MEIG1: variants seen among roughly 807,000 people sequenced by gnomAD.
MEIG1 encodes the protein meiosis/spermiogenesis associated 1, also known as meiosis expressed gene 1 protein homolog.
Under a neutral mutation model 11.3 loss-of-function variants are expected in MEIG1, and 12 were observed. The ratio of observed to expected loss-of-function variants is 1.07; its 90% confidence interval spans 0.68 to 1.73. The LOEUF (loss-of-function observed/expected upper bound fraction) is 1.73, where lower values mean the gene tolerates loss of function less well. Ranked by LOEUF, MEIG1 falls within the 40% of genes most tolerant of loss-of-function variation. The probability of loss-of-function intolerance (pLI) is 0.00; values close to 1 mark genes in which losing one functional copy is unlikely to be tolerated. For synonymous variants in MEIG1, 41 were observed against 33.2 expected (o/e 1.24, Z -0.81); for missense variants, 119 against 104.9 (o/e 1.13, Z -0.59).
chr10:14,960,860 C>T (rs1435699002), intron 1 of MEIG1, among the ~76,000 whole-genome samples: 5 of 151,964 alleles, frequency 3.3e-5, no homozygotes, highest in Non-Finnish European at 1.5e-5. Flanking sequence ...AACCTCGTCT[C>T]TACTAAAAAT....
At chr10:14,978,147 T>C (rs1843230275) in intron 1 of MEIG1, among the ~76,000 whole-genome samples, 2 of 151,826 alleles carry the variant, frequency 1.3e-5, no homozygotes, top group South Asian at 4.2e-4. Flanking sequence ...TTACTCCTAA[T>C]ATCACACCCT....
intron 2 of MEIG1, among the ~76,000 whole-genome samples, chr10:14,969,337 T>G (rs1228602172): frequency 6.6e-6 from 1 of 151,406 alleles, no homozygotes; most frequent in Admixed American, 6.6e-5. Flanking sequence ...TAGTCCCAGC[T>G]ACTGGGAGGC....
intron 2 of MEIG1, among the ~76,000 whole-genome samples, chr10:14,968,210 G>T (rs1843109773): frequency 6.6e-6 from 1 of 152,188 alleles, no homozygotes; most frequent in African/African-American, 2.4e-5. Context: ...ATAGGAGGCT[G>T]GGAGTGGTGG....
Position 14,987,803 on chromosome 10 carries a change from T to C in MEIG1, n.301T>C, listed in dbSNP as rs1035584943. ...TCTCTTTCAGAAAAAGATCTCAGTCTAATTGAAAGAAATTAAGAAGCCGTG... is the reference window on the plus strand; with the variant it reads ...TCTCTTTCAGAAAAAGATCTCAGTCCAATTGAAAGAAATTAAGAAGCCGTG... On this transcript the variant is annotated non_coding_transcript_exon_variant, in exon 3 of 3. Coordinates refer to the MEIG1 transcript ENST00000467536. The C allele has an allele frequency of 9.5e-5, 17 of 179,568 alleles. No homozygotes were observed. In the East Asian group the frequency reaches 2.8e-3, roughly 30 times the overall value. 11.1% of individuals were successfully genotyped at this position (179,568 alleles called of 1,614,324 possible).
chr10:14,955,489 A>G (rs528485452), upstream of MEIG1, among the ~76,000 whole-genome samples: 3 of 152,046 alleles, frequency 2.0e-5, no homozygotes, highest in African/African-American at 7.2e-5. Context: ...TGATCACCTG[A>G]GGTCAGGAGT....
At chr10:14,973,932 G>C (rs1258454167), downstream of MEIG1, among the ~76,000 whole-genome samples, 2 of 152,180 alleles carry the variant, frequency 1.3e-5, no homozygotes, top group Non-Finnish European at 2.9e-5. Flanking sequence ...CCAGCGCTTT[G>C]ACGGACTAAG....
At chr10:14,987,425 G>C (rs1843330677) in intron 2 of MEIG1, 1 of 724,466 alleles carries the variant, frequency 1.4e-6, no homozygotes, top group South Asian at 1.5e-5. Context: ...TCAGACACCT[G>C]TGAGATTCCG....
In MEIG1 at chr10:14,972,511, A is replaced by T. The variant is rs895124752; in HGVS notation, c.139-2A>T. ...GTTTGTACTCTGGTTCTTGATGTGC[A>T]GGTAGATCGTTGGCCGGAGACAGGA... On this transcript the variant is annotated splice_acceptor_variant, in intron 2 of 2. Coordinates refer to ENST00000407572, the MANE Select transcript of MEIG1 (RefSeq NM_001080836.3). LOFTEE classifies it high-confidence loss of function. 9 of 1,614,040 alleles carry T rather than the reference A, an allele frequency of 5.6e-6. No homozygotes were observed. The highest frequency in any genetic ancestry group is 7.6e-6 in the Non-Finnish European group (9 of 1,179,924).
chr10:14,974,465 C>G (rs917654896), downstream of MEIG1, among the ~76,000 whole-genome samples: 2 of 152,022 alleles, frequency 1.3e-5, no homozygotes, highest in African/African-American at 4.8e-5. Context: ...CCCAAAAACA[C>G]GCCTCTCCAC....
At chr10:14,966,354 A>T in intron 1 of MEIG1, 86 bp from the exon 2 acceptor site, 1 of 916,030 alleles carries the variant, frequency 1.1e-6, no homozygotes, top group Non-Finnish European at 1.6e-6. Flanking sequence ...GAGCCACCGC[A>T]CCCGGCCAGT....
downstream of MEIG1, among the ~76,000 whole-genome samples, chr10:14,975,015 C>T (rs1211040474): frequency 6.6e-6 from 1 of 151,928 alleles, no homozygotes; most frequent in Non-Finnish European, 1.5e-5. Flanking sequence ...ATATTACGTT[C>T]AATATCGCAG....
chr10:14,969,518 G>A (rs574348053), intron 2 of MEIG1, among the ~76,000 whole-genome samples: 1 of 152,048 alleles, frequency 6.6e-6, no homozygotes, highest in African/African-American at 2.4e-5. Flanking sequence ...TCACATGTTT[G>A]AAGTGCCTGA....
chr10:14,969,666 C>G (rs1843127678), intron 2 of MEIG1, among the ~76,000 whole-genome samples: 1 of 151,940 alleles, frequency 6.6e-6, no homozygotes, highest in Non-Finnish European at 1.5e-5. Flanking sequence ...GAAACCCTGT[C>G]TCTACTAAAA....
chr10:14,982,769 A>G (rs576005177), intron 1 of MEIG1, among the ~76,000 whole-genome samples: 10 of 152,262 alleles, frequency 6.6e-5, no homozygotes, highest in African/African-American at 2.2e-4. Context: ...ATCAATATTA[A>G]CAACTGATCA....
intron 1 of MEIG1, among the ~76,000 whole-genome samples, chr10:14,979,240 A>G (rs1204204292): frequency 6.6e-6 from 1 of 151,768 alleles, no homozygotes; most frequent in Non-Finnish European, 1.5e-5. Flanking sequence ...GTTACTCCTA[A>G]TGTCACAGGG....
intron 1 of MEIG1, among the ~76,000 whole-genome samples, chr10:14,960,960 C>T (rs1843005803): frequency 6.6e-6 from 1 of 152,024 alleles, no homozygotes; most frequent in African/African-American, 2.4e-5. Flanking sequence ...ACCTGGGAGG[C>T]GGAGGTTGTG....
At chr10:14,977,467 T>C (rs1403064505), downstream of MEIG1, among the ~76,000 whole-genome samples, 1 of 151,996 alleles carries the variant, frequency 6.6e-6, no homozygotes, top group Non-Finnish European at 1.5e-5. Flanking sequence ...CCGTGTGATA[T>C]TGTTCCCAAT....
intron 2 of MEIG1, among the ~76,000 whole-genome samples, chr10:14,972,260 C>G (rs992391263): frequency 1.3e-5 from 2 of 152,168 alleles, no homozygotes; most frequent in Non-Finnish European, 2.9e-5. Flanking sequence ...ATTGATCCAC[C>G]TGCCTCAGCC....
upstream of MEIG1, among the ~76,000 whole-genome samples, chr10:14,957,711 GCCACCT>G (rs569486187): frequency 0.011 from 1,661 of 152,168 alleles, 12 homozygotes; most frequent in Non-Finnish European, 0.016. Flanking sequence ...TCGGCTCACT[GCCACCT>G]CCACCTCCAC....
Sources: gnomAD v4.1 joint callset for allele counts (sites outside exome capture counted in the v4.1 genomes callset) on GRCh38, gnomAD v4.1.1 for gene constraint, MANE v1.5 for transcripts, NCBI Gene and HGNC (gene_info 2026-07-23, HGNC 2026-07-21) for gene names.